ARID1B: variants seen among roughly 807,000 people sequenced by gnomAD.
ARID1B encodes AT-rich interaction domain 1B.
A neutral mutation model predicts 212.3 loss-of-function variants in ARID1B; 30 were observed. The observed-to-expected ratio is 0.14, with a 90% CI of 0.11 to 0.19. The LOEUF is 0.19. Among genes scored for constraint, ARID1B ranks in the 10% least tolerant of loss-of-function variants. The pLI, the probability that ARID1B is intolerant of heterozygous loss-of-function variation, is 1.00. For missense variants in ARID1B, 2,891 were observed against 3,204.0 expected, an observed-to-expected ratio of 0.90 and a Z score of 2.36; for synonymous variants, 1,402 against 1,301.7, an observed-to-expected ratio of 1.08 and a Z score of -1.66.
chr6:157,199,757 G>GCCTCA (rs1793975450), intron 17 of ARID1B, among the ~76,000 whole-genome samples: 1 of 151,806 alleles, frequency 6.6e-6, no homozygotes, highest in South Asian at 2.1e-4. Flanking sequence ...TCTGCCTCCT[G>GCCTCA]GGCTCAAGCG....
chr6:156,778,654 G>C lies in ARID1B; in HGVS notation c.974G>C (p.Gly325Ala), dbSNP rs1445103954. 1.4e-6 allele frequency: 2 copies of C among 1,480,682 alleles called. No homozygotes were observed. The highest frequency in any genetic ancestry group is 2.9e-5 in the African/African-American group (2 of 68,680). 91.7% of individuals were successfully genotyped at this position (1,480,682 alleles called of 1,614,324 possible). A position where few individuals can be genotyped will look rare whatever the true frequency, so the allele number is the denominator to read the frequency against. ...NYYGSAAPASGGPGGRAGPCF... is the reference protein window; with the variant it reads ...NYYGSAAPASAGPGGRAGPCF... ...TATGGCAGCGCTGCCCCTGCGAGCG[G>C]CGGCCCCGGCGGCCGCGCTGGGCCT... Residue 325 changes from glycine to alanine, a missense_variant, in exon 1 of 20, where the codon GGC becomes GCC. Gly to Ala is a moderately conservative substitution (Grantham distance 60). This residue lies in a region of ARID1B where 1,643 missense variants were observed against 1,544.0 expected (regional missense o/e 1.06). Transcript: ENST00000636930.
rs749761849 is a variant in ARID1B at position 156,779,459 on chromosome 6, G to A, written c.1779G>A (p.Met593Ile). ...GCCCCGGCACCCCCGGACCGACCAT[G>A]GGCAGATCCCAGGTAACCCTCGCGC... ...AMSPGTPGPT[M>I]GRSQGSPMDP... The change falls in exon 1 of 20, where the codon ATG (methionine) becomes ATA (isoleucine). Residue 593 changes from methionine to isoleucine, a missense_variant. Physicochemically the swap from Met to Ile is conservative, Grantham distance 10. Transcript: ENST00000636930. The A allele has an allele frequency of 7.0e-7, 1 of 1,422,722 alleles. No individual in the cohort carries two copies. The highest frequency in any genetic ancestry group is 2.0e-4 in the Middle Eastern group (1 of 5,042). The allele number at this position is 1,422,722 out of a possible 1,614,324, so 88.1% of individuals were successfully genotyped here. A position where few individuals can be genotyped will look rare whatever the true frequency, so the allele number is the denominator to read the frequency against.
intron 2 of ARID1B, among the ~76,000 whole-genome samples, chr6:156,831,201 A>G (rs1404645443): frequency 2.0e-5 from 3 of 152,250 alleles, no homozygotes; most frequent in African/African-American, 7.2e-5. Context: ...AGAGGAAGAC[A>G]GCCCAGGCAG....
At chr6:156,966,381 CTTTTCTTTTTTTTTTTTTT>C (rs1457475989) in intron 4 of ARID1B, among the ~76,000 whole-genome samples, 17 of 89,436 alleles carry the variant, frequency 1.9e-4, no homozygotes, top group Non-Finnish European at 7.1e-5. Flanking sequence ...CTTTTCTTTT[CTTTTCTTTTTTTTTTTTTT>C]TTTTTTTTTT....
At chr6:157,141,603 G>A (rs1490525583) in intron 7 of ARID1B, among the ~76,000 whole-genome samples, 1 of 152,176 alleles carries the variant, frequency 6.6e-6, no homozygotes, top group Non-Finnish European at 1.5e-5. Context: ...TAGAAAGATA[G>A]AATTGAAAGA....
intron 4 of ARID1B, among the ~76,000 whole-genome samples, chr6:157,081,827 T>C (rs552781024): frequency 2.0e-5 from 3 of 152,362 alleles, no homozygotes; most frequent in Non-Finnish European, 4.4e-5. Context: ...CATAAAATTA[T>C]TTAACTACAA....
intron 2 of ARID1B, among the ~76,000 whole-genome samples, chr6:156,838,709 T>TATAATTATAATAATA (rs1554257809): frequency 6.9e-6 from 1 of 145,832 alleles, no homozygotes; most frequent in African/African-American, 2.5e-5. Context: ...GAACTTAAAG[T>TATAATTATAATAATA]ATAATAATAA....
At chr6:157,193,801 A>G (rs1044978390) in intron 15 of ARID1B, 20 of 152,210 alleles carry the variant, frequency 1.3e-4, no homozygotes, top group African/African-American at 4.6e-4. Flanking sequence ...AATGCTAATC[A>G]CATGACCAAA....
chr6:156,936,130 G>C, intron 4 of ARID1B: 1 of 152,472 alleles, frequency 6.6e-6, no homozygotes, highest in Non-Finnish European at 1.5e-5. Context: ...ATCACTTGAG[G>C]TCGGGAGTTC....
chr6:157,127,005 A>G (rs908852146), intron 6 of ARID1B, among the ~76,000 whole-genome samples: 1 of 152,242 alleles, frequency 6.6e-6, no homozygotes, highest in Non-Finnish European at 1.5e-5. Flanking sequence ...CATAAATAGG[A>G]AGAAAAGTCT....
chr6:156,804,926 C>CA (rs1781051460), intron 1 of ARID1B, among the ~76,000 whole-genome samples: 1 of 142,740 alleles, frequency 7.0e-6, no homozygotes, highest in Admixed American at 7.0e-5. Context: ...GTTCCTATTT[C>CA]ACCCACCCTT....
At chr6:157,163,931 A>G (rs1269173088) in intron 8 of ARID1B, among the ~76,000 whole-genome samples, 1 of 152,256 alleles carries the variant, frequency 6.6e-6, no homozygotes, top group Non-Finnish European at 1.5e-5. Flanking sequence ...TATTTCTGCT[A>G]CTTACTAGCT....
chr6:156,778,982 AGGCGGC>A lies in ARID1B; in HGVS notation c.1315_1320del (p.Gly439_Gly440del), dbSNP rs797045268. 1.9e-4 allele frequency: 246 copies of A among 1,262,726 alleles called. 1 individual carries two copies. Among genetic ancestry groups the A allele is most frequent in the Admixed American group, 3.5e-4 (8 of 22,652 alleles). 78.2% of individuals were successfully genotyped at this position (1,262,726 alleles called of 1,614,324 possible). Reference sequence around the variant, plus strand: ...CCGCGGCGGCGGCGGCAGCAGCAGGAGGCGGCGGCGGCGGCGGCTATGGGGGCTCGT... The same window carrying A: ...CCGCGGCGGCGGCGGCAGCAGCAGGAGGCGGCGGCGGCTATGGGGGCTCGT... On this transcript the variant is annotated inframe_deletion, in exon 1 of 20. Transcript: ENST00000636930.
chr6:157,146,729 T>TA (rs1789755408), intron 7 of ARID1B, among the ~76,000 whole-genome samples: 5 of 152,212 alleles, frequency 3.3e-5, no homozygotes, highest in Non-Finnish European at 7.3e-5. Context: ...ACGTCACCTG[T>TA]GCCTAGAACA....
At chr6:156,799,523 G>A (rs893444119) in intron 1 of ARID1B, among the ~76,000 whole-genome samples, 7 of 152,180 alleles carry the variant, frequency 4.6e-5, no homozygotes, top group African/African-American at 1.4e-4. Context: ...CTGTTGCACA[G>A]GCTGGAGTGC....
intron 4 of ARID1B, among the ~76,000 whole-genome samples, chr6:157,080,217 A>T (rs1784558800): frequency 6.6e-6 from 1 of 152,224 alleles, no homozygotes; most frequent in Non-Finnish European, 1.5e-5. Flanking sequence ...AATTGTATTG[A>T]GAACCATAGC....
chr6:156,963,075 C>A (rs1794509773), intron 4 of ARID1B, among the ~76,000 whole-genome samples: 1 of 152,198 alleles, frequency 6.6e-6, no homozygotes, highest in Admixed American at 6.5e-5. Flanking sequence ...AGCCACCGCG[C>A]CCGGCCTCAA....
chr6:156,840,942 T>C (rs2128084613), intron 2 of ARID1B, among the ~76,000 whole-genome samples: 1 of 152,320 alleles, frequency 6.6e-6, no homozygotes, highest in South Asian at 2.1e-4. Flanking sequence ...TTGGATTTGG[T>C]GTACCTGTGA....
chr6:157,201,265 G>A lies in ARID1B; in HGVS notation c.5040G>A (p.Ala1680=), dbSNP rs374125873. 4.5e-5 allele frequency: 73 copies of A among 1,613,924 alleles called. No individual in the cohort carries two copies. The highest frequency in any genetic ancestry group is 1.4e-4 in the South Asian group (13 of 91,084). The part of the protein sequence containing the change: ...PNHISRAPSP[A]SFQRSLENRM... Reference sequence around the variant, plus strand: ...ACATCTCCAGGGCGCCCAGCCCAGCGTCCTTCCAGCGCTCCCTGGAGAACC... The same window carrying A: ...ACATCTCCAGGGCGCCCAGCCCAGCATCCTTCCAGCGCTCCCTGGAGAACC... Residue 1680 remains alanine (A), a synonymous_variant, in exon 18 of 20, where the codon GCG becomes GCA. Transcript: ENST00000636930. This position sits in a 1 kb window ranked among gnomAD's most constrained non-coding sequence, Gnocchi z 5.2.
Sources: allele counts gnomAD v4.1 joint callset (sites outside exome capture counted in the v4.1 genomes callset), GRCh38; gene constraint gnomAD v4.1.1; regional missense constraint gnomAD v4.1.1; non-coding constraint Gnocchi (gnomAD v3.1); transcripts MANE v1.5; gene names NCBI Gene and HGNC (gene_info 2026-07-23, HGNC 2026-07-21).